Variants in PSMD11 observed in about 807,000 individuals in gnomAD.
PSMD11 encodes 26S proteasome non-ATPase regulatory subunit 11.
PSMD11 carries 5 observed loss-of-function variants against 62.3 expected under a neutral mutation model. The observed-to-expected ratio is 0.08, with a 90% CI of 0.04 to 0.17. PSMD11 has a LOEUF of 0.17. PSMD11 is among the 10% of genes least tolerant of loss of function. The probability of loss-of-function intolerance (pLI) is 1.00; values close to 1 mark genes in which losing one functional copy is unlikely to be tolerated. For missense variants in PSMD11, 310 were observed against 512.9 expected (o/e 0.60, Z 3.82); for synonymous variants, 191 against 191.8 (o/e 1.00, Z 0.03).
chr17:32,454,480 T>C lies in PSMD11; in HGVS notation c.194-15T>C, dbSNP rs747066502. ...GTTGATGTTTACTCCTCTTTTTGAA[T>C]TGCCTTTCCTACAGAGCTTGGAGGA... On this transcript the variant is annotated splice_polypyrimidine_tract_variant and intron_variant, in intron 2 of 13. Transcript: ENST00000261712. 3 of 1,610,266 alleles carry C rather than the reference T, an allele frequency of 1.9e-6. No homozygotes were observed. In the South Asian group the frequency reaches 3.3e-5, roughly 18 times the overall value.
At chr17:32,447,236 G>C in intron 2 of PSMD11, 190 bp downstream of exon 2, 1 of 504,634 alleles carries the variant, frequency 2.0e-6, no homozygotes, top group Non-Finnish European at 3.5e-6. Context: ...GTTTAGTTTT[G>C]CAAATGAGAG....
At chr17:32,477,162 G>A (rs1908352215) in intron 8 of PSMD11, 1 of 208,472 alleles carries the variant, frequency 4.8e-6, no homozygotes, top group Admixed American at 5.5e-5. Flanking sequence ...GCAAGAAGGA[G>A]TTTGGGTGGA....
At position 32,477,516 on chromosome 17, in the gene PSMD11, C is replaced by T. The variant is rs775469072; in HGVS notation, c.850-5C>T. 4.4e-6 allele frequency: 7 copies of T among 1,600,712 alleles called. No individual in the cohort carries two copies. The highest frequency in any genetic ancestry group is 1.7e-4 in the Middle Eastern group (1 of 6,030). On this transcript the variant is annotated splice_region_variant and splice_polypyrimidine_tract_variant and intron_variant, in intron 8 of 13. Coordinates refer to ENST00000261712, the MANE Select transcript of PSMD11 (RefSeq NM_002815.4). ...CGCTTTCATGGTTTGTCTCTTTATT[C>T]TCAGACAGAAGCATTAAAATGCGTG...
intron 6 of PSMD11, among the ~76,000 whole-genome samples, chr17:32,473,523 G>A (rs577245529): frequency 1.3e-5 from 2 of 151,430 alleles, no homozygotes; most frequent in Admixed American, 6.6e-5. Context: ...CAGGTGATCC[G>A]CCTGCCTCAG....
At chr17:32,467,142 A>C (rs1463229589) in intron 5 of PSMD11, among the ~76,000 whole-genome samples, 2 of 149,714 alleles carry the variant, frequency 1.3e-5, no homozygotes, top group Non-Finnish European at 3.0e-5. Flanking sequence ...ACGGGTTTTC[A>C]CCATGTTGGC....
intron 2 of PSMD11, 45 bp from the exon 3 acceptor site, chr17:32,454,450 C>G: frequency 6.2e-7 from 1 of 1,603,122 alleles, no homozygotes; most frequent in South Asian, 1.1e-5. Context: ...TATTTTGTCT[C>G]AAATGTTGAT....
At chr17:32,477,633 T>C in intron 9 of PSMD11, 50 bp downstream of exon 9, 1 of 1,455,118 alleles carries the variant, frequency 6.9e-7, no homozygotes, top group Non-Finnish European at 9.5e-7. Flanking sequence ...GAGAGGGACG[T>C]TTAAGTACTT....
At chr17:32,444,806 G>C in intron 1 of PSMD11, 192 bp downstream of exon 1, 1 of 633,344 alleles carries the variant, frequency 1.6e-6, no homozygotes, top group East Asian at 3.1e-5. Flanking sequence ...GGGAGGGCTT[G>C]AGGCAATCCC....
chr17:32,470,017 CTT>C (rs879420943), intron 6 of PSMD11, among the ~76,000 whole-genome samples: 10 of 144,568 alleles, frequency 6.9e-5, no homozygotes, highest in African/African-American at 7.6e-5. Context: ...TTTGTTTTTA[CTT>C]TTTTTTTTTT....
chr17:32,449,140 C>A (rs1907418260), intron 2 of PSMD11, among the ~76,000 whole-genome samples: 1 of 152,178 alleles, frequency 6.6e-6, no homozygotes, highest in African/African-American at 2.4e-5. Flanking sequence ...CGTGATGGCT[C>A]ATGCCTGTAA....
intron 5 of PSMD11, 84 bp from the exon 6 acceptor site, chr17:32,468,915 C>A (rs1908075897): frequency 5.0e-6 from 6 of 1,208,292 alleles, no homozygotes; most frequent in African/African-American, 1.6e-5. Flanking sequence ...TTTTTTAATC[C>A]TGAGTGTTAT....
chr17:32,466,404 T>C (rs973646077), intron 5 of PSMD11, among the ~76,000 whole-genome samples: 1 of 152,210 alleles, frequency 6.6e-6, no homozygotes, highest in Non-Finnish European at 1.5e-5. Flanking sequence ...GGGTATTTCT[T>C]AAAAATGAAA....
intron 5 of PSMD11, among the ~76,000 whole-genome samples, chr17:32,465,146 A>G (rs1000075697): frequency 2.0e-5 from 3 of 151,380 alleles, no homozygotes; most frequent in Admixed American, 1.3e-4. Context: ...TTTGAGACAG[A>G]GTCTTACTCT....
intron 2 of PSMD11, among the ~76,000 whole-genome samples, chr17:32,451,991 A>G (rs1907515706): frequency 6.6e-6 from 1 of 152,138 alleles, no homozygotes; most frequent in South Asian, 2.1e-4. Flanking sequence ...TGGCCTTCCA[A>G]AGTGCTAGGA....
intron 3 of PSMD11, among the ~76,000 whole-genome samples, chr17:32,456,585 A>T (rs1907658228): frequency 6.6e-6 from 1 of 152,164 alleles, no homozygotes; most frequent in Non-Finnish European, 1.5e-5. Flanking sequence ...GCTGGAGTGC[A>T]GTGGCACGAT....
intron 8 of PSMD11, among the ~76,000 whole-genome samples, chr17:32,476,129 T>C (rs1891956499): frequency 6.6e-6 from 1 of 151,970 alleles, no homozygotes; most frequent in African/African-American, 2.4e-5. Context: ...CCGGGCATGG[T>C]AGTGCATTGG....
intron 6 of PSMD11, among the ~76,000 whole-genome samples, 161 bp downstream of exon 6, chr17:32,469,354 C>G (rs902467456): frequency 3.9e-5 from 6 of 152,188 alleles, no homozygotes; most frequent in African/African-American, 1.4e-4. Context: ...AGCTGCTCCC[C>G]TCCTGTTAAC....
chr17:32,460,136 G>A (rs1287747218), intron 3 of PSMD11, among the ~76,000 whole-genome samples: 1 of 152,128 alleles, frequency 6.6e-6, no homozygotes, highest in East Asian at 1.9e-4. Context: ...GTAGTTCACT[G>A]TAACCTTGAA....
chr17:32,475,470 G>A (rs189997989), intron 8 of PSMD11, among the ~76,000 whole-genome samples: 1 of 152,046 alleles, frequency 6.6e-6, no homozygotes, highest in African/African-American at 2.4e-5. Context: ...TAAAGTAAGT[G>A]TAATCTTTCT....
Sources: allele counts gnomAD v4.1 joint callset (sites outside exome capture counted in the v4.1 genomes callset), GRCh38; gene constraint gnomAD v4.1.1; transcripts MANE v1.5; gene names NCBI Gene and HGNC (gene_info 2026-07-23, HGNC 2026-07-21).